Variants in ARMC3 observed in about 807,000 individuals in gnomAD.
ARMC3 encodes armadillo repeat containing 3.
ARMC3 carries 74 observed loss-of-function variants against 90.3 expected under a neutral mutation model. The ratio of observed to expected loss-of-function variants is 0.82; its 90% CI spans 0.68 to 0.99. ARMC3 has a LOEUF of 0.99. ARMC3 is among the 50% of genes least tolerant of loss of function. ARMC3 has a pLI of 0.00. For synonymous variants in ARMC3, 334 were observed against 361.8 expected (o/e 0.92, Z 0.87); for missense variants, 958 against 1,042.8 (o/e 0.92, Z 1.12).
chr10:23,016,002 C>T (rs1226715477), intron 16 of ARMC3, among the ~76,000 whole-genome samples: 1 of 152,122 alleles, frequency 6.6e-6, no homozygotes, highest in Non-Finnish European at 1.5e-5. Context: ...AATACACACA[C>T]TCACACACAC....
intron 16 of ARMC3, 148 bp downstream of exon 16, chr10:23,009,079 T>C (rs148660488): frequency 4.4e-5 from 29 of 665,236 alleles, no homozygotes; most frequent in Middle Eastern, 3.8e-4. Flanking sequence ...GATTTTTGTC[T>C]CTTACCATCT....
chr10:23,020,995 G>T (rs895922855), intron 16 of ARMC3, among the ~76,000 whole-genome samples: 1 of 152,042 alleles, frequency 6.6e-6, no homozygotes, highest in Non-Finnish European at 1.5e-5. Context: ...CCTAGTGTCT[G>T]TTATTCTCAT....
intron 18 of ARMC3, among the ~76,000 whole-genome samples, chr10:23,035,064 TG>T (rs1312966131): frequency 6.6e-6 from 1 of 152,196 alleles, no homozygotes; most frequent in Admixed American, 6.5e-5. Flanking sequence ...TTCTGGAGGC[TG>T]GGAAGTCCAA....
At chr10:22,981,817 C>G in intron 10 of ARMC3, 117 bp downstream of exon 10, 1 of 869,310 alleles carries the variant, frequency 1.2e-6, no homozygotes, top group Non-Finnish European at 1.8e-6. Context: ...GATGGTCTAT[C>G]TTGGGGTTAT....
chr10:22,991,473 T>C (rs1836706416), intron 10 of ARMC3, among the ~76,000 whole-genome samples: 1 of 152,146 alleles, frequency 6.6e-6, no homozygotes, highest in Non-Finnish European at 1.5e-5. Flanking sequence ...TTTAGGTTTT[T>C]TTTTTGGTAA....
chr10:23,005,090 G>A (rs1025075665), intron 13 of ARMC3, among the ~76,000 whole-genome samples: 12 of 151,710 alleles, frequency 7.9e-5, no homozygotes, highest in African/African-American at 2.7e-4. Flanking sequence ...GCGGGTGCCT[G>A]TAGTCCCAGC....
rs768505527 is a variant in ARMC3 at position 23,032,875 on chromosome 10, A to G, written c.2261A>G (p.Lys754Arg). The change falls in exon 18 of 19, where the codon AAA (lysine) becomes AGA (arginine). Residue 754 changes from lysine to arginine, a missense_variant. Coordinates refer to ENST00000298032, the MANE Select transcript of ARMC3 (RefSeq NM_173081.5). ...IEDLAKYVAE[K>R]MGGKIPKEKL... Reference sequence around the variant, plus strand: ...AATTGACACAGGTATGTAGCAGAAAAAATGGGTGGTAAGATTCCAAAAGAG... The same window carrying G: ...AATTGACACAGGTATGTAGCAGAAAGAATGGGTGGTAAGATTCCAAAAGAG... 4 of 1,611,992 alleles carry G rather than the reference A, an allele frequency of 2.5e-6. No individual in the cohort carries two copies. The highest frequency in any genetic ancestry group is 3.4e-6 in the Non-Finnish European group (4 of 1,179,162).
At chr10:22,999,699 T>C (rs1837190522) in intron 11 of ARMC3, among the ~76,000 whole-genome samples, 1 of 152,018 alleles carries the variant, frequency 6.6e-6, no homozygotes, top group Non-Finnish European at 1.5e-5. Flanking sequence ...AAGTGGCGAG[T>C]CAGGGATATG....
intron 10 of ARMC3, chr10:22,997,328 G>C (rs188706791): frequency 1.6e-3 from 248 of 152,276 alleles, no homozygotes; most frequent in African/African-American, 4.9e-3. Context: ...TTGGATGGGA[G>C]ACTGCCCGGG....
chr10:22,957,341 A>G (rs780305086), intron 4 of ARMC3, among the ~76,000 whole-genome samples: 2 of 152,186 alleles, frequency 1.3e-5, no homozygotes, highest in Non-Finnish European at 2.9e-5. Flanking sequence ...CGTCTGTGCC[A>G]TTACAGCCTC....
intron 18 of ARMC3, among the ~76,000 whole-genome samples, chr10:23,034,692 G>C (rs7358041): frequency 0.13 from 20,231 of 152,142 alleles, 2,072 homozygotes; most frequent in African/African-American, 0.29. Context: ...CAATAAGGAC[G>C]TTAGTGATCT....
Position 22,933,807 on chromosome 10 carries a change from C to T in ARMC3, c.48+1763C>T, listed in dbSNP as rs534890216. Among the ~76,000 whole-genome samples, 19 of 152,250 alleles carry T rather than the reference C, an allele frequency of 1.2e-4. No homozygotes were observed. In the East Asian group the frequency reaches 3.5e-3, roughly 28 times the overall value. On this transcript the variant is annotated intron_variant, in intron 2 of 18. Coordinates refer to ENST00000298032, the MANE Select transcript of ARMC3 (RefSeq NM_173081.5). ...GGCTGAAGTAGGAGAATGGTGTGAA[C>T]CTGGGAGGCGGAGTTTGCAGTGAGC...
At chr10:22,965,889 A>C (rs375502806) in intron 7 of ARMC3, among the ~76,000 whole-genome samples, 1 of 152,200 alleles carries the variant, frequency 6.6e-6, no homozygotes, top group African/African-American at 2.4e-5. Context: ...CTCTGTGAAC[A>C]TATTTATCAT....
intron 13 of ARMC3, among the ~76,000 whole-genome samples, chr10:23,004,931 G>A (rs1006157930): frequency 6.6e-6 from 1 of 152,114 alleles, no homozygotes; most frequent in Admixed American, 6.6e-5. Flanking sequence ...AAAACCAAGA[G>A]GGGGGCCGGG....
At chr10:22,933,389 G>T (rs1308112647) in intron 2 of ARMC3, among the ~76,000 whole-genome samples, 1 of 152,044 alleles carries the variant, frequency 6.6e-6, no homozygotes, top group Non-Finnish European at 1.5e-5. Flanking sequence ...ATAAACAATA[G>T]ATGTATATGG....
chr10:22,974,948 CTTTTT>C (rs1437784179), intron 8 of ARMC3, among the ~76,000 whole-genome samples: 1 of 151,300 alleles, frequency 6.6e-6, no homozygotes, highest in African/African-American at 2.4e-5. Context: ...CCAAGACTCT[CTTTTT>C]TAAGAATCAC....
chr10:23,032,265 C>G (rs1012998175), intron 17 of ARMC3, among the ~76,000 whole-genome samples: 2 of 152,174 alleles, frequency 1.3e-5, no homozygotes, highest in Admixed American at 6.5e-5. Flanking sequence ...GCCCACAGAT[C>G]TGTGACTTTA....
At chr10:23,004,497 A>G (rs1837480125) in intron 13 of ARMC3, among the ~76,000 whole-genome samples, 1 of 152,182 alleles carries the variant, frequency 6.6e-6, no homozygotes, top group South Asian at 2.1e-4. Flanking sequence ...GAAAGCAAGC[A>G]CCACTAACAC....
At position 23,006,872 on chromosome 10, in the gene ARMC3, A is replaced by G. The variant is rs748207691; in HGVS notation, c.1732-12A>G. 6.2e-7 allele frequency: 1 copy of G among 1,613,376 alleles called. No individual in the cohort carries two copies. Among genetic ancestry groups the G allele is most frequent in the Admixed American group, 1.7e-5 (1 of 60,026 alleles). On this transcript the variant is annotated splice_polypyrimidine_tract_variant and intron_variant, in intron 13 of 18. Coordinates refer to ENST00000298032, the MANE Select transcript of ARMC3 (RefSeq NM_173081.5). ...GCAGATACTACTTTTTGGTCCTTAA[A>G]TTATCTCACAGATAAATCCCGGCAC...
Sources: gnomAD v4.1 joint callset for allele counts (sites outside exome capture counted in the v4.1 genomes callset) on GRCh38, gnomAD v4.1.1 for gene constraint, MANE v1.5 for transcripts, NCBI Gene and HGNC (gene_info 2026-07-23, HGNC 2026-07-21) for gene names.